The following RNF213 variants were observed in gnomAD, a reference collection of about 807,000 sequenced individuals.
The protein encoded by RNF213 is E3 ubiquitin-protein ligase RNF213.
RNF213 carries 341 observed loss-of-function variants against 514.4 expected under a neutral mutation model. The ratio of observed to expected loss-of-function variants is 0.66; its 90% confidence interval spans 0.61 to 0.73. The LOEUF (loss-of-function observed/expected upper bound fraction) is 0.73. RNF213 is among the 30% of genes least tolerant of loss of function. RNF213 has a pLI of 0.00. For missense variants in RNF213, 5,767 were observed against 6,615.6 expected, an observed-to-expected ratio of 0.87 and a Z score of 4.45; for synonymous variants, 2,655 against 2,658.2, an observed-to-expected ratio of 1.00 and a Z score of 0.04.
At position 80,387,703 on chromosome 17, in the gene RNF213, C is replaced by T. The variant is rs371571722; in HGVS notation, c.14922+812C>T. Among the ~76,000 whole-genome samples, 65 of 152,280 alleles carry T rather than the reference C, an allele frequency of 4.3e-4. No individual in the cohort carries two copies. The East Asian group carries it at 5.8e-3, about 14-fold the overall frequency. On this transcript the variant is annotated intron_variant, in intron 63 of 67. Transcript: ENST00000582970. Reference sequence around the variant, plus strand: ...CCTCTCATGGCATATGGGATAAAGCCGACACTCTGTTGTCTGGTATGGGAG... The same window carrying T: ...CCTCTCATGGCATATGGGATAAAGCTGACACTCTGTTGTCTGGTATGGGAG...
At chr17:80,320,568 T>A (rs1368794497) in intron 17 of RNF213, 1 of 152,196 alleles carries the variant, frequency 6.6e-6, no homozygotes, top group Non-Finnish European at 1.5e-5. Flanking sequence ...TTTTGTATTT[T>A]TAGAAGAGAC....
At position 80,295,709 on chromosome 17, in the gene RNF213, A is replaced by G. The variant is rs2044915657; in HGVS notation, c.1908A>G (p.Leu636=). ...VLFVVEKIEL[L]LEGSLDWLCH... is the part of the protein sequence containing the mutation. ...TTGTAGTGGAAAAAATTGAGCTTTT[A>G]TTAGAAGGCAGCCTGGACTGGTTGT... Residue 636 remains leucine (L), a synonymous_variant, in exon 10 of 68, where the codon TTA becomes TTG. Coordinates refer to ENST00000582970, the MANE Select transcript of RNF213 (RefSeq NM_001256071.3). 6 of 1,614,188 alleles carry G rather than the reference A, an allele frequency of 3.7e-6. No individual in the cohort carries two copies. The highest frequency in any genetic ancestry group is 5.1e-6 in the Non-Finnish European group (6 of 1,180,032).
rs1290498541 is a variant in RNF213, at chr17:80,263,599, G to A, written c.-83G>A. 8 of 1,088,954 alleles carry A rather than the reference G, an allele frequency of 7.3e-6. No individual in the cohort carries two copies. The highest frequency in any genetic ancestry group is 6.2e-5 in the African/African-American group (4 of 64,742). 67.5% of individuals were successfully genotyped at this position (1,088,954 alleles called of 1,614,324 possible). A position where few individuals can be genotyped will look rare whatever the true frequency, so the allele number is the denominator to read the frequency against. On this transcript the variant is annotated 5_prime_UTR_variant, in exon 2 of 68. In the 5' UTR this introduces an upstream ATG that the reference lacks. Transcript: ENST00000582970. The surrounding 1 kb of genome is among the most constrained non-coding windows in gnomAD (Gnocchi z 4.9). Reference sequence around the variant, plus strand: ...AAAATGAAACTGAAGCCGTGGTCACGTGACAGGACATGTAGTATATAGCAG... The same window carrying A: ...AAAATGAAACTGAAGCCGTGGTCACATGACAGGACATGTAGTATATAGCAG...
Position 80,347,700 on chromosome 17 carries a change from A to C in RNF213, c.9365A>C (p.His3122Pro). Residue 3122 changes from histidine to proline, a missense_variant, in exon 29 of 68, where the codon CAC becomes CCC. By Grantham distance (77) the His-to-Pro change is moderately conservative. Coordinates refer to ENST00000582970, the MANE Select transcript of RNF213 (RefSeq NM_001256071.3). The surrounding 1 kb of genome is among the most constrained non-coding windows in gnomAD (Gnocchi z 7.2). ...LYDALNQYYV[H>P]LGGQKYVDLG... is the part of the protein sequence containing the mutation. ...GACGCACTCAACCAGTACTACGTCC[A>C]CCTCGGCGGCCAGAAGTACGTGGAC... 1 of 1,613,922 alleles carries C rather than the reference A, an allele frequency of 6.2e-7. No homozygotes were observed. The highest frequency in any genetic ancestry group is 1.3e-5 in the African/African-American group (1 of 75,058).
chr17:80,332,721 G>T, intron 21 of RNF213, 90 bp downstream of exon 21: 1 of 1,402,134 alleles, frequency 7.1e-7, no homozygotes, highest in Non-Finnish European at 9.3e-7. Context: ...TTTGAAAAGG[G>T]GGGCGGATGA....
At chr17:80,354,774 C>CCTG in intron 36 of RNF213, 198 bp downstream of exon 36, 1 of 640,762 alleles carries the variant, frequency 1.6e-6, no homozygotes, top group South Asian at 1.9e-5. Flanking sequence ...AGGTGCTGGA[C>CCTG]TCTTCCTCTA....
chr17:80,273,475 C>T, intron 3 of RNF213, 71 bp downstream of exon 3: 8 of 1,591,100 alleles, frequency 5.0e-6, no homozygotes, highest in Non-Finnish European at 6.8e-6. Flanking sequence ...GCACAGCTGC[C>T]CAGCTAGCCC....
chr17:80,289,047 A>T (rs2044582242), intron 5 of RNF213, among the ~76,000 whole-genome samples: 1 of 152,216 alleles, frequency 6.6e-6, no homozygotes. Context: ...GTGGTGAGGG[A>T]TGGTCCCCGG....
intron 3 of RNF213, among the ~76,000 whole-genome samples, chr17:80,280,240 C>T: frequency 6.6e-6 from 1 of 152,274 alleles, no homozygotes. Flanking sequence ...TGAGAAGGAA[C>T]TTGTAAAATA....
In RNF213 at chr17:80,367,997, T is replaced by C. The variant is rs539365242; in HGVS notation, c.12009T>C (p.Asp4003=). 1 of 1,614,266 alleles carries C rather than the reference T, an allele frequency of 6.2e-7. No individual in the cohort carries two copies. The highest frequency in any genetic ancestry group is 2.2e-5 in the East Asian group (1 of 44,888). Residue 4003 remains aspartate, a synonymous_variant, in exon 44 of 68, where the codon GAT becomes GAC. Coordinates refer to ENST00000582970, the MANE Select transcript of RNF213 (RefSeq NM_001256071.3). ...AGCCGTGCTCCATCTGCCTGGGAGA[T>C]GCAAAGGACCCCGTCTGTCTGCCCT... ...GIQPCSICLG[D]AKDPVCLPCD...
chr17:80,357,594 T>C (rs2078880875), intron 36 of RNF213, among the ~76,000 whole-genome samples: 1 of 152,256 alleles, frequency 6.6e-6, no homozygotes, highest in Admixed American at 6.5e-5. Flanking sequence ...TTTTTCCAAA[T>C]GAATCGTCAT....
In RNF213 at chr17:80,343,221, G is replaced by T; in HGVS notation, c.6079G>T (p.Asp2027Tyr). 1 of 1,613,992 alleles carries T rather than the reference G, an allele frequency of 6.2e-7. No individual in the cohort carries two copies. Among genetic ancestry groups the T allele is most frequent in the Middle Eastern group, 1.7e-4 (1 of 6,058 alleles). ...NVPLKTIRLI[D>Y]PQVDESRVLG... ...GCCTCTGAAAACAATTCGACTGATCGACCCTCAGGTGGATGAGAGCCGAGT... is the reference window on the plus strand; with the variant it reads ...GCCTCTGAAAACAATTCGACTGATCTACCCTCAGGTGGATGAGAGCCGAGT... The change falls in exon 27 of 68, where the codon GAC (aspartate) becomes TAC (tyrosine). Residue 2027 changes from aspartate (D) to tyrosine (Y), a missense_variant. Asp to Tyr is a radical substitution (Grantham distance 160, BLOSUM62 -3). Transcript: ENST00000582970. This position sits in a 1 kb window ranked among gnomAD's most constrained non-coding sequence, Gnocchi z 4.3.
rs1402058975 is a variant in RNF213, at chr17:80,347,740, C to T, written c.9405C>T (p.Thr3135=). The T allele has an allele frequency of 1.9e-6, 3 of 1,614,118 alleles. No individual in the cohort carries two copies. Among genetic ancestry groups the T allele is most frequent in the Non-Finnish European group, 2.5e-6 (3 of 1,180,030 alleles). ...AGTACGTGGACCTCGGTCTGGGGAC[C>T]CACCGCGTCAAATGTCGGGTTCACC... ...GQKYVDLGLG[T]HRVKCRVHPN... The change falls in exon 29 of 68, where the codon ACC becomes ACT. Residue 3135 remains threonine, a synonymous_variant. Coordinates refer to ENST00000582970, the MANE Select transcript of RNF213 (RefSeq NM_001256071.3). This position sits in a 1 kb window ranked among gnomAD's most constrained non-coding sequence, Gnocchi z 7.2.
At position 80,379,641 on chromosome 17, in the gene RNF213, A is replaced by G. The variant is rs946361953; in HGVS notation, c.13567A>G (p.Ser4523Gly). 1 of 1,614,218 alleles carries G rather than the reference A, an allele frequency of 6.2e-7. No individual in the cohort carries two copies. Among genetic ancestry groups the G allele is most frequent in the African/African-American group, 1.3e-5 (1 of 75,068 alleles). ...CTAGTGTGGCAGGCCGATGGAACAG[A>G]GCATCTGCATTGACTGCCATGCGCC... is the stretch of plus-strand genomic sequence containing the variant. ...VGECGRPMEQ[S>G]ICIDCHAPIG... is the part of the protein sequence containing the mutation. The change falls in exon 55 of 68, where the codon AGC becomes GGC. Residue 4523 changes from serine to glycine, a missense_variant. By Grantham distance (56) the Ser-to-Gly change is moderately conservative. This residue lies in a region of RNF213 where 1,245 missense variants were observed against 1,339.0 expected (regional missense o/e 0.93). Coordinates refer to ENST00000582970, the MANE Select transcript of RNF213 (RefSeq NM_001256071.3).
chr17:80,317,311 G>C lies in RNF213; in HGVS notation c.2901+34G>C. The C allele has an allele frequency of 1.3e-6, 2 of 1,591,542 alleles. No homozygotes were observed. Among genetic ancestry groups the C allele is most frequent in the Admixed American group, 1.8e-5 (1 of 56,978 alleles). On this transcript the variant is annotated intron_variant, in intron 16 of 67. Transcript: ENST00000582970. The surrounding 1 kb of genome is among the most constrained non-coding windows in gnomAD (Gnocchi z 4.1). ...AGTTTGGGGGCAGTCTTTTCAGGGC[G>C]TGAAGGCAAGCTGGAGAACCCCAGA...
rs1303964997 is a variant in RNF213 at position 80,334,221 on chromosome 17, T to C, written c.4260T>C (p.Ala1420=). The C allele has an allele frequency of 6.5e-7, 1 of 1,537,100 alleles. No individual in the cohort carries two copies. Among genetic ancestry groups the C allele is most frequent in the Non-Finnish European group, 8.7e-7 (1 of 1,146,908 alleles). ...ISEARCKGLQ[A]LSLRKEFICW... ...AGGCCCGGTGCAAGGGGCTGCAGGCTCTGTCCCTGAGAAAGGAGTTCATCT... is the reference window on the plus strand; with the variant it reads ...AGGCCCGGTGCAAGGGGCTGCAGGCCCTGTCCCTGAGAAAGGAGTTCATCT... The change falls in exon 22 of 68, where the codon GCT becomes GCC. Residue 1420 remains alanine (A), a synonymous_variant. Transcript: ENST00000582970.
In RNF213 at chr17:80,340,503, G is replaced by C. The variant is rs969333452; in HGVS notation, c.5989+147G>C. On this transcript the variant is annotated intron_variant, in intron 26 of 67. Coordinates refer to ENST00000582970, the MANE Select transcript of RNF213 (RefSeq NM_001256071.3). ...CATCTGTGGGTGTCAATCAGGGTCT[G>C]TGCCAGAACCAGGCACCCTGGTCAC... The C allele has an allele frequency of 1.2e-5, 9 of 767,382 alleles. No individual in the cohort carries two copies. The African/African-American group carries it at 1.2e-4, about 10-fold the overall frequency. The allele number at this position is 767,382 out of a possible 1,614,324, so 47.5% of individuals were successfully genotyped here.
At chr17:80,357,104 A>G (rs371607465) in intron 36 of RNF213, among the ~76,000 whole-genome samples, 103 of 151,770 alleles carry the variant, frequency 6.8e-4, no homozygotes, top group African/African-American at 2.4e-3. Flanking sequence ...TTTAGTAGAG[A>G]CGGGATTTCA....
intron 3 of RNF213, chr17:80,278,780 T>C (rs759564918): frequency 6.5e-7 from 1 of 1,536,754 alleles, no homozygotes. Context: ...ACATCAGAGG[T>C]TTTGGTAGAT....
Sources: allele counts gnomAD v4.1 joint callset (sites outside exome capture counted in the v4.1 genomes callset), GRCh38; gene constraint gnomAD v4.1.1; regional missense constraint gnomAD v4.1.1; non-coding constraint Gnocchi (gnomAD v3.1); transcripts MANE v1.5; gene names NCBI Gene and HGNC (gene_info 2026-07-23, HGNC 2026-07-21).